Variants in OLAH observed in about 807,000 individuals in gnomAD.
The protein encoded by OLAH is S-acyl fatty acid synthase thioesterase, medium chain.
Under a neutral mutation model 27.8 loss-of-function variants are expected in OLAH, and 33 were observed. That is an observed-to-expected ratio of 1.19 (90% CI 0.90 to 1.59). OLAH has a LOEUF of 1.59. Among genes scored for constraint, OLAH ranks in the 40% most tolerant of loss-of-function variants. The pLI is 0.00. For missense variants in OLAH, 359 were observed against 310.8 expected (o/e 1.16, Z -1.17); for synonymous variants, 120 against 102.9 (o/e 1.17, Z -1.01).
intron 2 of OLAH, among the ~76,000 whole-genome samples, chr10:15,048,594 T>C (rs759936982): frequency 2.0e-5 from 3 of 152,314 alleles, no homozygotes; most frequent in Admixed American, 1.3e-4. Context: ...AAAACTTACA[T>C]ATAACTTGAA....
intron 3 of OLAH, among the ~76,000 whole-genome samples, chr10:15,051,079 T>TTA (rs58843197): frequency 0.38 from 37,411 of 97,216 alleles, 5,195 homozygotes; most frequent in East Asian, 0.52. Flanking sequence ...ATTATTATTA[T>TTA]TTTTTTTTTT....
At chr10:15,043,095 T>A (rs1018859182), upstream of OLAH, among the ~76,000 whole-genome samples, 1 of 151,814 alleles carries the variant, frequency 6.6e-6, no homozygotes, top group African/African-American at 2.4e-5. Flanking sequence ...CTCCTGACCT[T>A]GTGATCCACC....
intron 3 of OLAH, among the ~76,000 whole-genome samples, chr10:15,050,957 T>C (rs1356036847): frequency 1.3e-5 from 2 of 152,002 alleles, no homozygotes; most frequent in African/African-American, 4.8e-5. Context: ...TTATTAGCCA[T>C]AGTTTTTTGT....
In OLAH at chr10:15,060,989, C is replaced by T. The variant is rs115350193; in HGVS notation, c.164-735C>T. On this transcript the variant is annotated intron_variant, in intron 3 of 7. Transcript: ENST00000378228. ...TGTGTATTTATTCATTAGGAGATGA[C>T]TTGTCATTGTTTCTGTTAGGCATCC... Among the ~76,000 whole-genome samples, 709 of 152,238 alleles carry T rather than the reference C, an allele frequency of 4.7e-3. 4 individuals carry two copies. Among genetic ancestry groups the T allele is most frequent in the African/African-American group, 0.016 (683 of 41,552 alleles).
At chr10:15,072,095 G>T (rs368220360) in intron 7 of OLAH, among the ~76,000 whole-genome samples, 1 of 152,116 alleles carries the variant, frequency 6.6e-6, no homozygotes, top group South Asian at 2.1e-4. Context: ...CACCATACCC[G>T]GCTATTTTTT....
chr10:15,064,664 C>G (rs1222211029), intron 5 of OLAH, among the ~76,000 whole-genome samples, 162 bp downstream of exon 5: 1 of 152,108 alleles, frequency 6.6e-6, no homozygotes, highest in African/African-American at 2.4e-5. Context: ...TTTGCCACTA[C>G]TTTCTTTTTC....
chr10:15,055,055 C>A (rs778529767), intron 3 of OLAH, among the ~76,000 whole-genome samples: 1 of 152,068 alleles, frequency 6.6e-6, no homozygotes, highest in African/African-American at 2.4e-5. Context: ...ACCTCTGCCT[C>A]CAGGGTTCAA....
intron 6 of OLAH, among the ~76,000 whole-genome samples, chr10:15,069,058 C>T (rs2131378526): frequency 6.6e-6 from 1 of 152,274 alleles, no homozygotes; most frequent in Admixed American, 6.5e-5. Flanking sequence ...ACAGCTGTTG[C>T]TTGTTACTCA....
chr10:15,049,387 C>T (rs534908364), intron 2 of OLAH, among the ~76,000 whole-genome samples: 4 of 152,226 alleles, frequency 2.6e-5, no homozygotes, highest in Non-Finnish European at 4.4e-5. Flanking sequence ...TCCTCCTTGG[C>T]CTCCCAAATT....
chr10:15,061,937 T>C, intron 4 of OLAH, 75 bp downstream of exon 4: 7 of 1,455,694 alleles, frequency 4.8e-6, no homozygotes, highest in Non-Finnish European at 6.6e-6. Flanking sequence ...TTATTCTTTG[T>C]GTTTTGTAAG....
chr10:15,060,376 G>C (rs1425994022), intron 3 of OLAH, among the ~76,000 whole-genome samples: 1 of 152,040 alleles, frequency 6.6e-6, no homozygotes, highest in Non-Finnish European at 1.5e-5. Flanking sequence ...CACCCTGTTG[G>C]CCAGGTTGGT....
Position 15,061,768 on chromosome 10 carries a change from C to CATCTTCAA in OLAH, c.208_209insATCTTCAA (p.Pro70HisfsTer12). 6.2e-7 allele frequency: 1 copy of CATCTTCAA among 1,613,580 alleles called. No homozygotes were observed. Among genetic ancestry groups the CATCTTCAA allele is most frequent in the South Asian group, 1.1e-5 (1 of 91,002 alleles). On this transcript the variant is annotated frameshift_variant, in exon 4 of 8. Coordinates refer to ENST00000378228, the MANE Select transcript of OLAH (RefSeq NM_001039702.3). LOFTEE classifies it high-confidence loss of function. ...TGGAAGAGAAAGCAGAGTTGAAGAACCTCTTGAAAATGACATCTCCCAGTT... is the reference window on the plus strand; with the variant it reads ...TGGAAGAGAAAGCAGAGTTGAAGAACATCTTCAACTCTTGAAAATGACATCTCCCAGTT...
chr10:15,056,681 A>G, intron 3 of OLAH: 5 of 795,098 alleles, frequency 6.3e-6, no homozygotes, highest in Non-Finnish European at 8.5e-6. Context: ...CCCAGGCTGG[A>G]GTACAATAGC....
intron 3 of OLAH, among the ~76,000 whole-genome samples, chr10:15,055,923 C>T (rs377361024): frequency 3.4e-4 from 51 of 151,630 alleles, no homozygotes; most frequent in African/African-American, 1.2e-3. Flanking sequence ...AATCTCTGCT[C>T]ACTGAAATCT....
At chr10:15,070,122 C>T (rs1457542638) in intron 6 of OLAH, among the ~76,000 whole-genome samples, 1 of 150,418 alleles carries the variant, frequency 6.6e-6, no homozygotes, top group Non-Finnish European at 1.5e-5. Flanking sequence ...GAGTTCACGA[C>T]AAGTCATGAT....
At chr10:15,052,102 G>A (rs1468935288) in intron 3 of OLAH, among the ~76,000 whole-genome samples, 2 of 152,174 alleles carry the variant, frequency 1.3e-5, no homozygotes, top group South Asian at 2.1e-4. Flanking sequence ...GACCAACATG[G>A]TGAACCCTGT....
chr10:15,061,957 T>A, intron 4 of OLAH, 95 bp downstream of exon 4: 1 of 1,175,314 alleles, frequency 8.5e-7, no homozygotes, highest in Non-Finnish European at 1.2e-6. Flanking sequence ...GATGCATACC[T>A]TTGTATTGGT....
chr10:15,047,379 C>T, intron 2 of OLAH, 59 bp downstream of exon 2: 1 of 1,511,526 alleles, frequency 6.6e-7, no homozygotes, highest in Non-Finnish European at 9.1e-7. Flanking sequence ...CGATACCCTG[C>T]CTTTGTACGG....
chr10:15,060,274 A>G (rs1049444215), intron 3 of OLAH, among the ~76,000 whole-genome samples: 3 of 151,886 alleles, frequency 2.0e-5, no homozygotes, highest in African/African-American at 7.3e-5. Flanking sequence ...GGCTCAAGTG[A>G]TTTTCCTGCT....
Sources: allele counts gnomAD v4.1 joint callset (sites outside exome capture counted in the v4.1 genomes callset), GRCh38; gene constraint gnomAD v4.1.1; transcripts MANE v1.5; gene names NCBI Gene and HGNC (gene_info 2026-07-23, HGNC 2026-07-21).